Variants in PRELID2 observed in about 807,000 individuals in gnomAD.
The protein encoded by PRELID2 is PRELI domain-containing protein 2.
A neutral mutation model predicts 28.4 loss-of-function variants in PRELID2; 25 were observed. That is an observed-to-expected ratio of 0.88 (90% CI 0.64 to 1.23). The LOEUF (loss-of-function observed/expected upper bound fraction) is 1.23, where lower values mean the gene tolerates loss of function less well. PRELID2 is among the 50% of genes most tolerant of loss of function. The pLI, the probability that PRELID2 is intolerant of heterozygous loss-of-function variation, is 0.00. For synonymous variants in PRELID2, 76 were observed against 71.6 expected (o/e 1.06, Z -0.31); for missense variants, 201 against 214.4 (o/e 0.94, Z 0.39).
At chr5:145,586,150 A>G (rs957195339) in intron 1 of PRELID2, among the ~76,000 whole-genome samples, 1 of 152,136 alleles carries the variant, frequency 6.6e-6, no homozygotes, top group African/African-American at 2.4e-5. Flanking sequence ...AAGGGCAGAC[A>G]GAAGCCAAAT....
At chr5:145,359,560 T>A in the PRELID2 span, among the ~76,000 whole-genome samples, 1 of 152,228 alleles carries the variant, frequency 6.6e-6, no homozygotes, top group Non-Finnish European at 1.5e-5. Flanking sequence ...AGAATCGATT[T>A]TTCCAGTCTC....
rs1163041528 is a variant in PRELID2 at position 145,835,280 on chromosome 5, G to C, written c.-29C>G. On this transcript the variant is annotated 5_prime_UTR_variant, in exon 1 of 7. Transcript: ENST00000683046. ...CGCGCGCCGCGGGCCCCGCGCACCGGCCACGCCTCCGCGAGCTCAGAGCTG... is the reference window on the plus strand; with the variant it reads ...CGCGCGCCGCGGGCCCCGCGCACCGCCCACGCCTCCGCGAGCTCAGAGCTG... The C allele has an allele frequency of 2.0e-6, 3 of 1,502,638 alleles. No individual in the cohort carries two copies. The highest frequency in any genetic ancestry group is 2.4e-5 in the South Asian group (2 of 82,164). The allele number at this position is 1,502,638 out of a possible 1,614,324, so 93.1% of individuals were successfully genotyped here. A position where few individuals can be genotyped will look rare whatever the true frequency, so the allele number is the denominator to read the frequency against.
At chr5:145,563,237 C>A (rs1187609588) in intron 1 of PRELID2, among the ~76,000 whole-genome samples, 3 of 152,164 alleles carry the variant, frequency 2.0e-5, no homozygotes, top group South Asian at 2.1e-4. Context: ...ATTTCTAATT[C>A]TTTGAATGAT....
the PRELID2 span, among the ~76,000 whole-genome samples, chr5:145,253,504 C>A: frequency 6.6e-6 from 1 of 152,020 alleles, no homozygotes; most frequent in East Asian, 1.9e-4. Context: ...GACATCCATG[C>A]TTTTTCTCCT....
the PRELID2 span, among the ~76,000 whole-genome samples, chr5:145,421,270 C>T: frequency 6.8e-6 from 1 of 146,646 alleles, no homozygotes; most frequent in Non-Finnish European, 1.5e-5. Context: ...GGAGGATTCC[C>T]TCTTTTTCTA....
the PRELID2 span, among the ~76,000 whole-genome samples, chr5:145,420,250 T>G: frequency 6.6e-6 from 1 of 152,168 alleles, no homozygotes; most frequent in Non-Finnish European, 1.5e-5. Context: ...TTAAAGTAGT[T>G]TTTTCCAATT....
At chr5:145,422,249 C>T in the PRELID2 span, among the ~76,000 whole-genome samples, 2 of 149,258 alleles carry the variant, frequency 1.3e-5, no homozygotes, top group Admixed American at 6.7e-5. Flanking sequence ...TCTATTAGGT[C>T]CGCTTGGTGC....
the PRELID2 span, among the ~76,000 whole-genome samples, chr5:145,275,052 G>C: frequency 6.6e-6 from 1 of 152,038 alleles, no homozygotes; most frequent in African/African-American, 2.4e-5. Context: ...TTGGATTAGG[G>C]CTCACCACAT....
intron 1 of PRELID2, among the ~76,000 whole-genome samples, chr5:145,747,216 A>G (rs548027374): frequency 4.6e-5 from 7 of 151,384 alleles, no homozygotes; most frequent in African/African-American, 1.7e-4. Flanking sequence ...GACATCAAAA[A>G]CCCTCTAAAA....
chr5:145,651,702 T>C (rs1754300932), intron 1 of PRELID2, among the ~76,000 whole-genome samples: 1 of 152,090 alleles, frequency 6.6e-6, no homozygotes, highest in Non-Finnish European at 1.5e-5. Flanking sequence ...GTCCTGACTG[T>C]TAAAAGGAAA....
At chr5:145,322,232 A>C in the PRELID2 span, among the ~76,000 whole-genome samples, 1 of 152,202 alleles carries the variant, frequency 6.6e-6, no homozygotes, top group Non-Finnish European at 1.5e-5. Flanking sequence ...AGCACTTGTC[A>C]CAAGAGTTTA....
chr5:145,258,520 G>A, the PRELID2 span, among the ~76,000 whole-genome samples: 1 of 152,112 alleles, frequency 6.6e-6, no homozygotes, highest in African/African-American at 2.4e-5. Context: ...TGGCTGCATT[G>A]TGCCTCTGCC....
intron 1 of PRELID2, among the ~76,000 whole-genome samples, chr5:145,574,210 T>C (rs550698373): frequency 9.2e-5 from 14 of 152,186 alleles, no homozygotes; most frequent in African/African-American, 3.1e-4. Context: ...AAAAGAGCCA[T>C]GAATCAAGAA....
chr5:145,678,948 C>T (rs1754878212), intron 1 of PRELID2, among the ~76,000 whole-genome samples: 1 of 152,160 alleles, frequency 6.6e-6, no homozygotes, highest in African/African-American at 2.4e-5. Flanking sequence ...TTCTTTATTG[C>T]TCATGAAATT....
the PRELID2 span, among the ~76,000 whole-genome samples, chr5:145,391,716 T>G: frequency 6.6e-6 from 1 of 151,800 alleles, no homozygotes; most frequent in Non-Finnish European, 1.5e-5. Flanking sequence ...ATCATCAGGC[T>G]GCAGATTTTT....
Position 145,636,156 on chromosome 5 carries a change from C to T in PRELID2, n.70+128775G>A, listed in dbSNP as rs112289400. Among the ~76,000 whole-genome samples, 352 of 152,328 alleles carry T rather than the reference C, an allele frequency of 2.3e-3. 1 individual carries two copies. The highest frequency in any genetic ancestry group is 3.7e-3 in the Non-Finnish European group (252 of 68,032). On this transcript the variant is annotated intron_variant and non_coding_transcript_variant, in intron 1 of 2. Coordinates refer to the PRELID2 transcript ENST00000510259. ...ATTACTATGTTTCATCCATACAACT[C>T]CCTATGATGGGTGCTATTGTTATAC... is the stretch of plus-strand genomic sequence containing the variant.
the PRELID2 span, among the ~76,000 whole-genome samples, chr5:145,373,787 G>A: frequency 9.1e-5 from 6 of 66,158 alleles, no homozygotes; most frequent in Admixed American, 2.2e-4. Context: ...TAATATATAT[G>A]ATATAATATA....
chr5:145,720,250 C>T (rs1171512043), intron 1 of PRELID2, among the ~76,000 whole-genome samples: 3 of 151,366 alleles, frequency 2.0e-5, no homozygotes, highest in Non-Finnish European at 4.4e-5. Flanking sequence ...TAAATGGGCC[C>T]ACCAGATACT....
At chr5:145,802,950 A>G (rs1753236426) in intron 4 of PRELID2, among the ~76,000 whole-genome samples, 3 of 152,216 alleles carry the variant, frequency 2.0e-5, no homozygotes, top group Admixed American at 6.5e-5. Context: ...CCGGGAAAGC[A>G]AAAGCTCTTA....
Sources: allele counts gnomAD v4.1 joint callset (sites outside exome capture counted in the v4.1 genomes callset), GRCh38; gene constraint gnomAD v4.1.1; transcripts MANE v1.5; gene names NCBI Gene and HGNC (gene_info 2026-07-23, HGNC 2026-07-21).